Variants in ASTN2 observed in about 807,000 individuals in gnomAD.
ASTN2 encodes astrotactin 2.
A neutral mutation model predicts 139.8 loss-of-function variants in ASTN2; 54 were observed. That is an observed-to-expected ratio of 0.39 (90% CI 0.31 to 0.48). The LOEUF (loss-of-function observed/expected upper bound fraction) is 0.48. Ranked by LOEUF, ASTN2 falls within the 20% of genes least tolerant of loss-of-function variation. ASTN2 has a pLI of 0.95. For synonymous variants in ASTN2, 756 were observed against 719.5 expected (o/e 1.05, Z -0.81); for missense variants, 1,565 against 1,725.1 (o/e 0.91, Z 1.64).
chr9:117,097,053 G>C (rs1382108316), intron 4 of ASTN2, among the ~76,000 whole-genome samples: 2 of 152,172 alleles, frequency 1.3e-5, no homozygotes, highest in African/African-American at 2.4e-5. Flanking sequence ...GTATATACAA[G>C]GAAGAACACT....
chr9:116,885,962 G>GA (rs932517772), intron 10 of ASTN2, among the ~76,000 whole-genome samples: 51 of 152,196 alleles, frequency 3.4e-4, no homozygotes, highest in Middle Eastern at 3.4e-3. Flanking sequence ...AGGAAAATAT[G>GA]AAAAAAATAG....
chr9:117,351,084 G>A (rs956723572), intron 1 of ASTN2, among the ~76,000 whole-genome samples: 2 of 152,166 alleles, frequency 1.3e-5, no homozygotes, highest in South Asian at 2.1e-4. Flanking sequence ...TTTAACAGAA[G>A]CGCATGACAG....
At chr9:116,662,916 G>A (rs529012869) in intron 16 of ASTN2, among the ~76,000 whole-genome samples, 108 of 152,230 alleles carry the variant, frequency 7.1e-4, no homozygotes, top group African/African-American at 2.5e-3. Context: ...GACTGCAGTC[G>A]AAGGTCATTA....
At chr9:117,199,078 G>T (rs1831611242) in intron 3 of ASTN2, among the ~76,000 whole-genome samples, 1 of 152,106 alleles carries the variant, frequency 6.6e-6, no homozygotes, top group Non-Finnish European at 1.5e-5. Context: ...CCATTCTGTA[G>T]GTTGCCTGTT....
chr9:117,145,276 G>A (rs1175680404), intron 3 of ASTN2, among the ~76,000 whole-genome samples: 1 of 152,180 alleles, frequency 6.6e-6, no homozygotes, highest in Non-Finnish European at 1.5e-5. Flanking sequence ...GTGAATGTGG[G>A]TAGTGGCTGA....
At chr9:116,763,076 A>G (rs1041613204) in intron 13 of ASTN2, among the ~76,000 whole-genome samples, 1 of 152,192 alleles carries the variant, frequency 6.6e-6, no homozygotes, top group African/African-American at 2.4e-5. Context: ...TGCTCTCATA[A>G]GAGGCAAATT....
At chr9:116,668,556 A>G (rs1368617312) in intron 16 of ASTN2, among the ~76,000 whole-genome samples, 1 of 152,174 alleles carries the variant, frequency 6.6e-6, no homozygotes, top group Non-Finnish European at 1.5e-5. Context: ...TTAGAAGCTC[A>G]TTTCTTTTTA....
chr9:116,544,597 A>G (rs894391311), intron 19 of ASTN2, among the ~76,000 whole-genome samples: 1 of 152,146 alleles, frequency 6.6e-6, no homozygotes, highest in South Asian at 2.1e-4. Context: ...TGACAGTTAC[A>G]TATTTTTATT....
chr9:116,451,021 T>C (rs1848158484), intron 20 of ASTN2, among the ~76,000 whole-genome samples: 1 of 152,092 alleles, frequency 6.6e-6, no homozygotes, highest in East Asian at 1.9e-4. Context: ...ACACTTGCAC[T>C]CCCTTCAACC....
chr9:117,247,812 C>A (rs1344937916), intron 2 of ASTN2, among the ~76,000 whole-genome samples: 1 of 152,178 alleles, frequency 6.6e-6, no homozygotes, highest in Admixed American at 6.5e-5. Flanking sequence ...CCTAGAGGTG[C>A]TGGGCACCTG....
intron 17 of ASTN2, among the ~76,000 whole-genome samples, chr9:116,643,730 A>G (rs1380250327): frequency 1.3e-5 from 2 of 152,310 alleles, no homozygotes; most frequent in African/African-American, 4.8e-5. Context: ...TATTGTCTTC[A>G]TCATCAAAAA....
At chr9:116,589,959 C>T (rs1854312644) in intron 19 of ASTN2, among the ~76,000 whole-genome samples, 3 of 152,216 alleles carry the variant, frequency 2.0e-5, no homozygotes, top group Admixed American at 2.0e-4. Flanking sequence ...TTTTCACAGC[C>T]ACTCCACAGG....
intron 1 of ASTN2, among the ~76,000 whole-genome samples, chr9:117,293,843 A>C (rs959041871): frequency 6.6e-6 from 1 of 152,248 alleles, no homozygotes; most frequent in Non-Finnish European, 1.5e-5. Context: ...TGAAAGCTGC[A>C]CTAGAAATAG....
chr9:116,713,941 T>C (rs1828241592), intron 16 of ASTN2, among the ~76,000 whole-genome samples: 1 of 152,160 alleles, frequency 6.6e-6, no homozygotes, highest in Non-Finnish European at 1.5e-5. Flanking sequence ...TTATTAGCCA[T>C]GTAACCTTGA....
intron 19 of ASTN2, among the ~76,000 whole-genome samples, chr9:116,552,423 A>G (rs1852394852): frequency 6.6e-6 from 1 of 152,222 alleles, no homozygotes; most frequent in African/African-American, 2.4e-5. Flanking sequence ...TCAACAGGTA[A>G]AGGTAAAACA....
chr9:116,591,211 C>T (rs182796910), intron 19 of ASTN2, among the ~76,000 whole-genome samples: 14 of 152,306 alleles, frequency 9.2e-5, no homozygotes, highest in Admixed American at 6.5e-4. Flanking sequence ...CTCTTTGGGG[C>T]TCTGGTATCT....
chr9:116,716,838 CT>C (rs1412893711), intron 16 of ASTN2, among the ~76,000 whole-genome samples: 1 of 152,170 alleles, frequency 6.6e-6, no homozygotes, highest in Non-Finnish European at 1.5e-5. Context: ...ATTTTCACCC[CT>C]GCTCAAGCTG....
intron 2 of ASTN2, among the ~76,000 whole-genome samples, chr9:117,215,656 G>T (rs950980007): frequency 3.9e-5 from 6 of 151,958 alleles, no homozygotes; most frequent in African/African-American, 7.3e-5. Context: ...TTCAAAACAC[G>T]TCTGTAATCC....
intron 16 of ASTN2, among the ~76,000 whole-genome samples, chr9:116,661,704 T>C (rs7856859): frequency 0.018 from 2,815 of 152,174 alleles, 88 homozygotes; most frequent in African/African-American, 0.064. Context: ...TACATCTGGA[T>C]GTGAAATTCA....
Sources: allele counts gnomAD v4.1 joint callset (sites outside exome capture counted in the v4.1 genomes callset), GRCh38; gene constraint gnomAD v4.1.1; transcripts MANE v1.5; gene names NCBI Gene and HGNC (gene_info 2026-07-23, HGNC 2026-07-21).